Variants in SLCO2A1 observed in about 807,000 individuals in gnomAD.
The protein encoded by SLCO2A1 is solute carrier organic anion transporter family member 2A1, also known as matrin F/G 1.
SLCO2A1 carries 60 observed loss-of-function variants against 71.7 expected under a neutral mutation model. That is an observed-to-expected ratio of 0.84 (90% CI 0.68 to 1.04). The LOEUF (loss-of-function observed/expected upper bound fraction) is 1.04, where lower values mean the gene tolerates loss of function less well. SLCO2A1 is among the 50% of genes least tolerant of loss of function. SLCO2A1 has a pLI of 0.00. For missense variants in SLCO2A1, 745 were observed against 813.4 expected (o/e 0.92, Z 1.02); for synonymous variants, 308 against 326.7 (o/e 0.94, Z 0.62).
At chr3:134,023,885 C>T (rs924001842) in intron 1 of SLCO2A1, among the ~76,000 whole-genome samples, 1 of 108,362 alleles carries the variant, frequency 9.2e-6, no homozygotes, top group African/African-American at 2.7e-5. Flanking sequence ...CAGGATTCTA[C>T]AGCCTGGAGT....
At chr3:133,946,193 CT>C (rs1390992653) in intron 9 of SLCO2A1, among the ~76,000 whole-genome samples, 3 of 151,648 alleles carry the variant, frequency 2.0e-5, no homozygotes, top group Non-Finnish European at 4.4e-5. Context: ...CCCCAAACCC[CT>C]TCTCTCCTTC....
Position 134,004,093 on chromosome 3 carries a change from CGTGTGTGTGTGTGTGTGTGTGT to C in SLCO2A1, c.97-24497_97-24476del, listed in dbSNP as rs71139603. On this transcript the variant is annotated intron_variant, in intron 1 of 13. Transcript: ENST00000310926. ...AGCCAAATTTTGTAATGAATCTCTT[CGTGTGTGTGTGTGTGTGTGTGT>C]GTGTGTGTGTGTGTGTGTGTATCTT... 8.7e-5 allele frequency among the ~76,000 whole-genome samples: 13 copies of C among 149,614 alleles called. No homozygotes were observed. In the East Asian group the frequency reaches 9.8e-4, roughly 11 times the overall value.
intron 1 of SLCO2A1, among the ~76,000 whole-genome samples, chr3:134,027,443 G>C (rs763634250): frequency 6.6e-6 from 1 of 152,156 alleles, no homozygotes; most frequent in Non-Finnish European, 1.5e-5. Context: ...CCCCAGTCAC[G>C]TACCCACTGT....
chr3:133,996,993 A>G (rs531154352), intron 1 of SLCO2A1, among the ~76,000 whole-genome samples: 1 of 152,318 alleles, frequency 6.6e-6, no homozygotes, highest in South Asian at 2.1e-4. Context: ...CTCTGAGCAC[A>G]ATTCCAGATT....
At chr3:134,021,251 C>T (rs1344950599) in intron 1 of SLCO2A1, among the ~76,000 whole-genome samples, 1 of 152,138 alleles carries the variant, frequency 6.6e-6, no homozygotes, top group African/African-American at 2.4e-5. Context: ...CAAATAAGCC[C>T]ACCCTACTAG....
At chr3:133,987,131 G>GCCCCCC (rs71136502) in intron 1 of SLCO2A1, among the ~76,000 whole-genome samples, 1 of 105,032 alleles carries the variant, frequency 9.5e-6, no homozygotes, top group African/African-American at 3.9e-5. Flanking sequence ...AAAATTCAAA[G>GCCCCCC]CCCCCCCCCC....
chr3:133,947,573 T>A, intron 8 of SLCO2A1, 128 bp from the exon 9 acceptor site: 4 of 745,562 alleles, frequency 5.4e-6, no homozygotes, highest in Non-Finnish European at 8.5e-6. Context: ...TGTTAAATTG[T>A]AATCGAAGTA....
In SLCO2A1 at chr3:133,945,222, C is replaced by T. The variant is rs762007651; in HGVS notation, c.1334G>A (p.Arg445His). Residue 445 changes from arginine to histidine, a missense_variant, in exon 10 of 14, where the codon CGC (arginine) becomes CAC (histidine). Physicochemically the swap from Arg to His is conservative, Grantham distance 29. Coordinates refer to ENST00000310926, the MANE Select transcript of SLCO2A1 (RefSeq NM_005630.3). The part of the protein sequence containing the change: ...SSIHPQSPAC[R>H]RDCSCPDSIF... ...AGAATCTGGGCACGAGCAGTCCCTG[C>T]GGCAGGCAGGAGACTGCGGATGTAT... The T allele has an allele frequency of 8.1e-6, 13 of 1,613,274 alleles. No individual in the cohort carries two copies. The South Asian group carries it at 8.8e-5, about 11-fold the overall frequency.
At chr3:133,966,393 A>G (rs1047178584) in intron 3 of SLCO2A1, among the ~76,000 whole-genome samples, 1 of 151,912 alleles carries the variant, frequency 6.6e-6, no homozygotes, top group Admixed American at 6.6e-5. Context: ...GAGAAGCACA[A>G]TGTATGAGAC....
intron 1 of SLCO2A1, among the ~76,000 whole-genome samples, chr3:134,020,380 C>T (rs969484170): frequency 6.6e-6 from 1 of 152,136 alleles, no homozygotes; most frequent in Admixed American, 6.6e-5. Context: ...GGCGGATGGT[C>T]GAGGCAGCTC....
chr3:134,006,168 CA>C (rs571911307), intron 1 of SLCO2A1, among the ~76,000 whole-genome samples: 1 of 152,142 alleles, frequency 6.6e-6, no homozygotes, highest in Non-Finnish European at 1.5e-5. Context: ...GCAATCCTCC[CA>C]CCTCAGCTGG....
At chr3:133,973,583 G>T in intron 3 of SLCO2A1, 80 bp downstream of exon 3, 2 of 1,464,414 alleles carry the variant, frequency 1.4e-6, no homozygotes, top group South Asian at 1.2e-5. Context: ...GGTATCCACT[G>T]CCCTAGGAGT....
At chr3:134,012,349 G>A (rs927749913) in intron 1 of SLCO2A1, among the ~76,000 whole-genome samples, 2 of 152,246 alleles carry the variant, frequency 1.3e-5, no homozygotes, top group African/African-American at 4.8e-5. Context: ...CACATGGAAG[G>A]GCAGGTAAAG....
At chr3:133,979,692 G>GCC (rs1172479138) in intron 1 of SLCO2A1, 74 bp from the exon 2 acceptor site, 7 of 1,503,468 alleles carry the variant, frequency 4.7e-6, no homozygotes, top group Non-Finnish European at 6.2e-6. Context: ...TCTGTTAGGG[G>GCC]CCCCGGCAGG....
chr3:133,982,860 T>C (rs1934626413), intron 1 of SLCO2A1, among the ~76,000 whole-genome samples: 1 of 152,120 alleles, frequency 6.6e-6, no homozygotes, highest in Admixed American at 6.5e-5. Flanking sequence ...TTGGCCTCTC[T>C]CACTGGCGTC....
At chr3:133,996,828 C>A (rs1353992509) in intron 1 of SLCO2A1, among the ~76,000 whole-genome samples, 1 of 152,200 alleles carries the variant, frequency 6.6e-6, no homozygotes, top group Non-Finnish European at 1.5e-5. Flanking sequence ...ACAGTAGGTT[C>A]CCTCCACATG....
At chr3:133,953,836 G>A (rs113278812) in intron 4 of SLCO2A1, 75 bp from the exon 5 acceptor site, 3 of 1,135,122 alleles carry the variant, frequency 2.6e-6, no homozygotes, top group African/African-American at 1.5e-5. Flanking sequence ...CCAAGCTGAG[G>A]GGGAGTCTTG....
At chr3:133,938,543 A>G (rs752439034) in intron 11 of SLCO2A1, 50 bp from the exon 12 acceptor site, 2 of 1,573,434 alleles carry the variant, frequency 1.3e-6, no homozygotes, top group East Asian at 4.5e-5. Context: ...GGGCTGCACG[A>G]TCCCTTGGGT....
chr3:134,029,482 ACACACACTCGCACG>A (rs1417950674), intron 1 of SLCO2A1, among the ~76,000 whole-genome samples: 4 of 150,202 alleles, frequency 2.7e-5, no homozygotes, highest in African/African-American at 7.4e-5. Context: ...GAACACACAC[ACACACACTCGCACG>A]CACACACACA....
Sources: allele counts gnomAD v4.1 joint callset (sites outside exome capture counted in the v4.1 genomes callset), GRCh38; gene constraint gnomAD v4.1.1; transcripts MANE v1.5; gene names NCBI Gene and HGNC (gene_info 2026-07-23, HGNC 2026-07-21).